The following MED12L variants were observed in gnomAD, a reference collection of about 807,000 sequenced individuals.
MED12L encodes the protein mediator complex subunit 12L, also known as mediator of RNA polymerase II transcription subunit 12-like protein.
In MED12L, 60 loss-of-function variants were observed where a neutral mutation model predicts 281.3. The ratio of observed to expected loss-of-function variants is 0.21; its 90% CI spans 0.17 to 0.26. MED12L has a LOEUF of 0.26. Among genes scored for constraint, MED12L ranks in the 10% least tolerant of loss-of-function variants. The probability of loss-of-function intolerance (pLI) is 1.00; values close to 1 mark genes in which losing one functional copy is unlikely to be tolerated. For missense variants in MED12L, 2,146 were observed against 2,680.9 expected (o/e 0.80, Z 4.41); for synonymous variants, 974 against 987.2 (o/e 0.99, Z 0.25).
rs1713683441 is a variant in MED12L at position 151,387,999 on chromosome 3, C to A, written c.5278C>A (p.Leu1760Ile). The A allele has an allele frequency of 3.7e-6, 6 of 1,614,048 alleles. No homozygotes were observed. Among genetic ancestry groups the A allele is most frequent in the Non-Finnish European group, 5.1e-6 (6 of 1,180,006 alleles). Reference sequence around the variant, plus strand: ...CATGCCCAAGCCCCGCAGTTACTACCTCCAGCCACTGCCCCTGCCTCCTGA... The same window carrying A: ...CATGCCCAAGCCCCGCAGTTACTACATCCAGCCACTGCCCCTGCCTCCTGA... The part of the protein sequence containing the change: ...HPMPKPRSYY[L>I]QPLPLPPEEE... The change falls in exon 37 of 45, where the codon CTC (leucine) becomes ATC (isoleucine). Residue 1760 changes from leucine to isoleucine, a missense_variant. Leu to Ile is a conservative substitution (Grantham distance 5, BLOSUM62 2). Transcript: ENST00000687756.
In MED12L at chr3:151,210,975, C is replaced by T. The variant is rs1280032987; in HGVS notation, c.2250+17309C>T. 2.0e-5 allele frequency among the ~76,000 whole-genome samples: 3 copies of T among 152,222 alleles called. No individual in the cohort carries two copies. In the South Asian group the frequency reaches 6.2e-4, roughly 31 times the overall value. On this transcript the variant is annotated intron_variant, in intron 16 of 44. Transcript: ENST00000687756. ...TGGCGTGCCTGCACTATAGCTTTATCTACAAAAGGACCTGGCAAGTGTTCC... is the reference window on the plus strand; with the variant it reads ...TGGCGTGCCTGCACTATAGCTTTATTTACAAAAGGACCTGGCAAGTGTTCC...
chr3:151,205,104 A>ATTT (rs1726163732), intron 16 of MED12L, among the ~76,000 whole-genome samples: 1 of 152,154 alleles, frequency 6.6e-6, no homozygotes, highest in African/African-American at 2.4e-5. Context: ...TGTAGTTTTC[A>ATTT]TTTTTTAATA....
chr3:151,224,201 CTCT>C (rs1256727744), intron 16 of MED12L, among the ~76,000 whole-genome samples: 2 of 151,986 alleles, frequency 1.3e-5, no homozygotes, highest in East Asian at 1.9e-4. Flanking sequence ...ATTTTTCTTC[CTCT>C]TCTTTTTTCA....
rs140961777 is a variant in MED12L, at chr3:151,134,807, C to T, written c.556+6823C>T. Among the ~76,000 whole-genome samples the T allele has an allele frequency of 9.9e-4, 150 of 152,262 alleles. 2 individuals are homozygous for T. In the East Asian group the frequency reaches 0.026, roughly 26 times the overall value. ...AGAAATACGTTATCAAATAGTTTGACTTGTTGCACCTCCAGGATTTAACTT... is the reference window on the plus strand; with the variant it reads ...AGAAATACGTTATCAAATAGTTTGATTTGTTGCACCTCCAGGATTTAACTT... On this transcript the variant is annotated intron_variant, in intron 5 of 44. Transcript: ENST00000687756.
chr3:151,214,133 T>TTCA, intron 16 of MED12L: 3 of 1,614,028 alleles, frequency 1.9e-6, no homozygotes, highest in Non-Finnish European at 2.5e-6. Flanking sequence ...ATAACAATGT[T>TTCA]CTTGAGATAG....
At chr3:151,266,667 A>C (rs976680028) in intron 16 of MED12L, among the ~76,000 whole-genome samples, 1 of 152,212 alleles carries the variant, frequency 6.6e-6, no homozygotes, top group Non-Finnish European at 1.5e-5. Flanking sequence ...AGTGATATGA[A>C]CATATCAGTG....
At chr3:151,133,667 T>C (rs1835668) in intron 5 of MED12L, among the ~76,000 whole-genome samples, 45,884 of 151,980 alleles carry the variant, frequency 0.3, 8,886 homozygotes, top group African/African-American at 0.55. Flanking sequence ...TTGATGTTGC[T>C]ACTTGAGGGA....
At chr3:151,152,842 A>G (rs1576839258) in intron 5 of MED12L, among the ~76,000 whole-genome samples, 1 of 151,864 alleles carries the variant, frequency 6.6e-6, no homozygotes, top group Admixed American at 6.6e-5. Context: ...GCCCTACACT[A>G]CCTCTCTGGT....
At chr3:151,101,073 T>C (rs985739405) in intron 2 of MED12L, among the ~76,000 whole-genome samples, 10 of 152,228 alleles carry the variant, frequency 6.6e-5, no homozygotes, top group African/African-American at 2.4e-4. Flanking sequence ...CAAATACTCT[T>C]AGTTTTTGCA....
rs2148676484 is a variant in MED12L at position 151,105,169 on chromosome 3, C to T, written c.100-11169C>T. 1.3e-5 allele frequency among the ~76,000 whole-genome samples: 2 copies of T among 152,262 alleles called. 1 individual carries two copies. Among genetic ancestry groups the T allele is most frequent in the Non-Finnish European group, 2.9e-5 (2 of 68,012 alleles). ...CCTTCTAGGGCCTGGGTTGGCAGCT[C>T]ATTCCCTCCTGTTTTCTCAGGAGCT... On this transcript the variant is annotated intron_variant, in intron 2 of 44. Transcript: ENST00000687756.
intron 30 of MED12L, among the ~76,000 whole-genome samples, chr3:151,377,524 T>G (rs1306906087): frequency 2.0e-5 from 3 of 152,206 alleles, no homozygotes; most frequent in Non-Finnish European, 4.4e-5. Context: ...ATCCTGGTAA[T>G]TTTTGTGCAG....
intron 43 of MED12L, 66 bp from the exon 44 acceptor site, chr3:151,430,233 T>A: frequency 6.2e-7 from 1 of 1,604,820 alleles, no homozygotes; most frequent in Non-Finnish European, 8.5e-7. Flanking sequence ...TGCGAGTTAG[T>A]CTCTGTTCTT....
chr3:151,109,608 C>G (rs527451904), intron 2 of MED12L, among the ~76,000 whole-genome samples: 18 of 152,156 alleles, frequency 1.2e-4, no homozygotes, highest in Non-Finnish European at 2.4e-4. Flanking sequence ...CTACTCTGGG[C>G]CGCTTGGTGA....
At chr3:151,348,471 T>C (rs1041104323) in intron 16 of MED12L, among the ~76,000 whole-genome samples, 1 of 152,112 alleles carries the variant, frequency 6.6e-6, no homozygotes, top group African/African-American at 2.4e-5. Context: ...TCACTGCTTA[T>C]GTCATTTGTA....
At chr3:151,121,474 A>G (rs552908839) in intron 3 of MED12L, among the ~76,000 whole-genome samples, 4 of 152,344 alleles carry the variant, frequency 2.6e-5, no homozygotes, top group African/African-American at 9.6e-5. Context: ...CTGTGTTTCA[A>G]CCTATAGACT....
rs1752435589 is a variant in MED12L, at chr3:151,345,588, G to A, written c.2251-4471G>A. Among the ~76,000 whole-genome samples, 6 of 149,824 alleles carry A rather than the reference G, an allele frequency of 4.0e-5. No individual in the cohort carries two copies. The South Asian group carries it at 1.3e-3, about 32-fold the overall frequency. On this transcript the variant is annotated intron_variant, in intron 16 of 44. Coordinates refer to ENST00000687756, the MANE Select transcript of MED12L (RefSeq NM_001393769.1). The stretch of plus-strand genomic sequence containing the variant: ...GCTGGAGTGCAATGGCACCATCTCG[G>A]CTCACTGCAACCTCTGCCTCCCAGG...
chr3:151,263,912 G>A (rs1001391178), intron 16 of MED12L, among the ~76,000 whole-genome samples: 4 of 152,202 alleles, frequency 2.6e-5, no homozygotes, highest in Admixed American at 6.5e-5. Flanking sequence ...GTGTGGCACA[G>A]CCTTCAGTTA....
chr3:151,152,435 T>G (rs187444377), intron 5 of MED12L, among the ~76,000 whole-genome samples: 1 of 152,216 alleles, frequency 6.6e-6, no homozygotes, highest in East Asian at 1.9e-4. Context: ...TGACATTGAT[T>G]GATTCCGTAA....
At chr3:151,379,297 A>G (rs1711799320) in intron 31 of MED12L, among the ~76,000 whole-genome samples, 1 of 152,208 alleles carries the variant, frequency 6.6e-6, no homozygotes, top group Admixed American at 6.5e-5. Flanking sequence ...CTCTTCCCAC[A>G]TCAGGGGCTC....
Sources: gnomAD v4.1 joint callset for allele counts (sites outside exome capture counted in the v4.1 genomes callset) on GRCh38, gnomAD v4.1.1 for gene constraint, MANE v1.5 for transcripts, NCBI Gene and HGNC (gene_info 2026-07-23, HGNC 2026-07-21) for gene names.